The following CDH23 variants were observed in gnomAD, a reference collection of about 807,000 sequenced individuals.
CDH23 encodes cadherin-23.
In CDH23, 189 loss-of-function variants were observed where a neutral mutation model predicts 317.1. The observed-to-expected ratio is 0.60, with a 90% CI of 0.53 to 0.67. The LOEUF is 0.67. Ranked by LOEUF, CDH23 falls within the 30% of genes least tolerant of loss-of-function variation. The probability of loss-of-function intolerance (pLI) is 0.00; values close to 1 mark genes in which losing one functional copy is unlikely to be tolerated. For synonymous variants in CDH23, 1,839 were observed against 1,876.8 expected, an observed-to-expected ratio of 0.98 and a Z score of 0.52; for missense variants, 4,401 against 4,592.4, an observed-to-expected ratio of 0.96 and a Z score of 1.20.
At chr10:71,463,368 C>T (rs1001481401) in intron 3 of CDH23, among the ~76,000 whole-genome samples, 3 of 152,166 alleles carry the variant, frequency 2.0e-5, no homozygotes, top group Non-Finnish European at 2.9e-5. Flanking sequence ...CCAGCCTGTC[C>T]GCACCCGGCT....
At chr10:71,418,539 C>T (rs1848623508) in intron 1 of CDH23, among the ~76,000 whole-genome samples, 1 of 152,148 alleles carries the variant, frequency 6.6e-6, no homozygotes, top group South Asian at 2.1e-4. Context: ...TCTCCCCAGG[C>T]TCACAGGAAG....
intron 3 of CDH23, among the ~76,000 whole-genome samples, chr10:71,505,475 ACTCG>A (rs1415337223): frequency 6.6e-6 from 1 of 151,944 alleles, no homozygotes; most frequent in Admixed American, 6.5e-5. Context: ...TTCCACAGTA[ACTCG>A]GCGAGCTCCG....
At chr10:71,471,621 G>A (rs1256718933) in intron 3 of CDH23, among the ~76,000 whole-genome samples, 1 of 152,034 alleles carries the variant, frequency 6.6e-6, no homozygotes, top group Non-Finnish European at 1.5e-5. Context: ...GCACCAGGAG[G>A]GCCAGCGCCA....
chr10:71,507,740 C>T lies in CDH23; in HGVS notation c.146-2342C>T, dbSNP rs529565065. On this transcript the variant is annotated intron_variant, in intron 3 of 69. Coordinates refer to ENST00000224721, the MANE Select transcript of CDH23 (RefSeq NM_022124.6). ...AATCAAATGCTGCTCCCAATGTCTTCCTGTTCGTTTTAGTATAAAACATTT... is the reference window on the plus strand; with the variant it reads ...AATCAAATGCTGCTCCCAATGTCTTTCTGTTCGTTTTAGTATAAAACATTT... Among the ~76,000 whole-genome samples the T allele has an allele frequency of 6.4e-4, 97 of 152,326 alleles. 1 individual carries two copies. Among genetic ancestry groups the T allele is most frequent in the Middle Eastern group, 3.4e-3 (1 of 294 alleles).
At chr10:71,460,935 C>A (rs1850949380) in intron 3 of CDH23, among the ~76,000 whole-genome samples, 1 of 152,178 alleles carries the variant, frequency 6.6e-6, no homozygotes, top group Non-Finnish European at 1.5e-5. Flanking sequence ...GACGAGTAGC[C>A]CAGCCTGGTC....
chr10:71,440,168 G>C (rs1007268347), intron 2 of CDH23, among the ~76,000 whole-genome samples: 3 of 152,192 alleles, frequency 2.0e-5, no homozygotes, highest in African/African-American at 7.2e-5. Flanking sequence ...AGGGAAGGAG[G>C]CACCTGTGAC....
At chr10:71,754,005 C>T (rs1005424707) in intron 38 of CDH23, among the ~76,000 whole-genome samples, 14 of 152,206 alleles carry the variant, frequency 9.2e-5, no homozygotes, top group Admixed American at 7.9e-4. Context: ...GATGGAAATC[C>T]ACACCTGTTG....
At chr10:71,795,398 C>G (rs1365798482) in intron 48 of CDH23, 1 of 152,204 alleles carries the variant, frequency 6.6e-6, no homozygotes, top group Non-Finnish European at 1.5e-5. Context: ...TTCCTGGCTG[C>G]ATGGGTTGGT....
At position 71,515,120 on chromosome 10, in the gene CDH23, T is replaced by C. The variant is rs897137661; in HGVS notation, c.429+3908T>C. 2.6e-5 allele frequency among the ~76,000 whole-genome samples: 4 copies of C among 152,232 alleles called. No individual in the cohort carries two copies. In the East Asian group the frequency reaches 7.7e-4, roughly 29 times the overall value. ...GATGGGTGTGAGGTTAGAAGTCTGGTGGTGCCAGATGGCTCACTGGGTCAG... is the reference window on the plus strand; with the variant it reads ...GATGGGTGTGAGGTTAGAAGTCTGGCGGTGCCAGATGGCTCACTGGGTCAG... On this transcript the variant is annotated intron_variant, in intron 6 of 69. Coordinates refer to ENST00000224721, the MANE Select transcript of CDH23 (RefSeq NM_022124.6).
chr10:71,562,434 C>T (rs1383815387), intron 6 of CDH23, among the ~76,000 whole-genome samples: 3 of 152,220 alleles, frequency 2.0e-5, no homozygotes, highest in Admixed American at 6.5e-5. Context: ...TAACTTCCAG[C>T]CTCGGGTGGC....
In CDH23 at chr10:71,623,628, TC is replaced by T. The variant is rs561582001; in HGVS notation, c.1134+6239del. On this transcript the variant is annotated intron_variant, in intron 11 of 69. Transcript: ENST00000224721. Reference sequence around the variant, plus strand: ...GTGAAGTCTCCCACACGGGAGACACTCCCCACTCCCGTGACCATGCATTCCA... The same window carrying T: ...GTGAAGTCTCCCACACGGGAGACACTCCCACTCCCGTGACCATGCATTCCA... Among the ~76,000 whole-genome samples, 14 of 152,252 alleles carry T rather than the reference TC, an allele frequency of 9.2e-5. No individual in the cohort carries two copies. In the South Asian group the frequency reaches 2.7e-3, roughly 29 times the overall value.
intron 6 of CDH23, among the ~76,000 whole-genome samples, chr10:71,555,121 T>C (rs1030913186): frequency 6.6e-6 from 1 of 152,202 alleles, no homozygotes; most frequent in African/African-American, 2.4e-5. Flanking sequence ...GGGAGGGGTA[T>C]GAGATTATGA....
chr10:71,707,455 C>T, intron 26 of CDH23: 1 of 1,215,484 alleles, frequency 8.2e-7, no homozygotes. Context: ...GAATTCCCAC[C>T]TGTTTAGAGG....
chr10:71,593,352 T>C (rs145277226), intron 9 of CDH23, among the ~76,000 whole-genome samples: 1 of 152,268 alleles, frequency 6.6e-6, no homozygotes, highest in African/African-American at 2.4e-5. Flanking sequence ...AAGACCTAAA[T>C]GTGAAACGTA....
At chr10:71,716,006 G>C (rs1272237279) in intron 28 of CDH23, 1 of 1,500,736 alleles carries the variant, frequency 6.7e-7, no homozygotes, top group South Asian at 1.3e-5. Context: ...GGGCTGTCGA[G>C]GGACGGTGGG....
chr10:71,617,549 T>A (rs1248915677), intron 11 of CDH23, 156 bp downstream of exon 11: 4 of 1,476,370 alleles, frequency 2.7e-6, no homozygotes, highest in East Asian at 2.5e-5. Flanking sequence ...GAAAAAAAAA[T>A]CACTAGTCTC....
intron 6 of CDH23, among the ~76,000 whole-genome samples, chr10:71,521,074 G>A (rs985724527): frequency 2.0e-5 from 3 of 151,886 alleles, no homozygotes; most frequent in Non-Finnish European, 4.4e-5. Context: ...ACCTTAAGTG[G>A]AAGCCACCTG....
intron 38 of CDH23, among the ~76,000 whole-genome samples, chr10:71,774,223 C>G (rs1013729293): frequency 7.2e-6 from 1 of 138,628 alleles, no homozygotes; most frequent in Admixed American, 7.2e-5. Flanking sequence ...CTCAGCTGTC[C>G]GCCTGGCTGT....
intron 44 of CDH23, 120 bp from the exon 45 acceptor site, chr10:71,788,820 T>G (rs1316745733): frequency 2.9e-5 from 19 of 652,860 alleles, no homozygotes; most frequent in Non-Finnish European, 4.8e-5. Context: ...CATGTTGGTG[T>G]GGGCTTTTCT....
Sources: allele counts gnomAD v4.1 joint callset (sites outside exome capture counted in the v4.1 genomes callset), GRCh38; gene constraint gnomAD v4.1.1; transcripts MANE v1.5; gene names NCBI Gene and HGNC (gene_info 2026-07-23, HGNC 2026-07-21).